NSDHL: variants seen among roughly 807,000 people sequenced by gnomAD.
The protein encoded by NSDHL is sterol-4-alpha-carboxylate 3-dehydrogenase, decarboxylating.
In NSDHL, 1 loss-of-function variant was observed where a neutral mutation model predicts 23.0. The observed-to-expected ratio is 0.04, with a 90% CI of 0.02 to 0.21. NSDHL has a LOEUF of 0.21. Ranked by LOEUF, NSDHL falls within the 10% of genes least tolerant of loss-of-function variation. NSDHL has a pLI of 1.00. For missense variants in NSDHL, 237 were observed against 300.9 expected, an observed-to-expected ratio of 0.79 and a Z score of 1.57; for synonymous variants, 128 against 121.1, an observed-to-expected ratio of 1.06 and a Z score of -0.37.
At chrX:152,842,910 A>G (rs1272856965) in intron 1 of NSDHL, among the ~76,000 whole-genome samples, 3 of 112,052 alleles carry the variant, frequency 2.7e-5, no homozygotes, top group Admixed American at 9.5e-5. Flanking sequence ...ACCCAAGCGT[A>G]TATCACATGG....
chrX:152,835,932 T>C (rs1475022134), intron 1 of NSDHL, among the ~76,000 whole-genome samples: 1 of 112,433 alleles, frequency 8.9e-6, no homozygotes, highest in African/African-American at 3.2e-5. Context: ...TGTAAAAGTG[T>C]TCCTATTTCT....
At chrX:152,850,120 T>C in intron 2 of NSDHL, 145 bp from the exon 3 acceptor site, 1 of 595,316 alleles carries the variant, frequency 1.7e-6, no homozygotes, top group Non-Finnish European at 2.9e-6. Flanking sequence ...ACCAGGATGA[T>C]ATAAAGCTTC....
chrX:152,836,994 A>G (rs1163975480), intron 1 of NSDHL, among the ~76,000 whole-genome samples: 1 of 111,762 alleles, frequency 8.9e-6, no homozygotes, highest in Non-Finnish European at 1.9e-5. Context: ...AATGGTTCGT[A>G]GTTCTCCTTG....
At chrX:152,859,628 G>A (rs1556847342) in intron 4 of NSDHL, among the ~76,000 whole-genome samples, 1 of 112,465 alleles carries the variant, frequency 8.9e-6, no homozygotes, top group East Asian at 2.8e-4. Flanking sequence ...ATTCAGCCAT[G>A]GATGGACATC....
At chrX:152,855,363 C>T (rs1447865109) in intron 3 of NSDHL, among the ~76,000 whole-genome samples, 3 of 111,950 alleles carry the variant, frequency 2.7e-5, no homozygotes, top group Admixed American at 9.5e-5. Context: ...AGGAAGTCTA[C>T]TCTCAAGCCG....
At chrX:152,856,568 C>T (rs1309503835) in intron 3 of NSDHL, among the ~76,000 whole-genome samples, 4 of 111,264 alleles carry the variant, frequency 3.6e-5, no homozygotes, top group Non-Finnish European at 7.5e-5. Flanking sequence ...GGGAAAATTG[C>T]TCATTCTAGG....
intron 5 of NSDHL, among the ~76,000 whole-genome samples, chrX:152,864,050 T>TA (rs1190377459): frequency 8.9e-6 from 1 of 111,845 alleles, no homozygotes; most frequent in East Asian, 2.8e-4. Flanking sequence ...TAGCTGGGAT[T>TA]ACAGGCGCGT....
chrX:152,867,251 G>A (rs1933620984), intron 6 of NSDHL, among the ~76,000 whole-genome samples: 1 of 112,107 alleles, frequency 8.9e-6, no homozygotes, highest in African/African-American at 3.2e-5. Flanking sequence ...CAAGGCGTTG[G>A]CCCCGTGTCT....
chrX:152,846,934 G>T (rs1556845676), intron 2 of NSDHL, among the ~76,000 whole-genome samples: 1 of 112,491 alleles, frequency 8.9e-6, no homozygotes, highest in Non-Finnish European at 1.9e-5. Flanking sequence ...CCTGGTCGTT[G>T]TCAGGCTTCC....
chrX:152,848,986 G>C (rs1933315912), intron 2 of NSDHL, among the ~76,000 whole-genome samples: 1 of 112,295 alleles, frequency 8.9e-6, no homozygotes, highest in East Asian at 2.8e-4. Flanking sequence ...TGGGAAGTTA[G>C]TTTTGGGTGG....
intron 7 of NSDHL, among the ~76,000 whole-genome samples, chrX:152,868,115 G>A (rs1313574753): frequency 9.1e-6 from 1 of 109,508 alleles, no homozygotes; most frequent in East Asian, 2.9e-4. Flanking sequence ...AATAAGTTGG[G>A]AATAGGGTGG....
chrX:152,861,214 T>A (rs1933523207), intron 4 of NSDHL, among the ~76,000 whole-genome samples: 1 of 113,183 alleles, frequency 8.8e-6, no homozygotes. Context: ...GGAATTTATG[T>A]TTGCTTATGG....
chrX:152,862,330 C>T lies in NSDHL; in HGVS notation c.415-266C>T, dbSNP rs139977767. Among the ~76,000 whole-genome samples the T allele has an allele frequency of 0.01, 1,162 of 111,992 alleles. 17 individuals are homozygous for T. Among genetic ancestry groups the T allele is most frequent in the African/African-American group, 0.035 (1,088 of 30,779 alleles). On this transcript the variant is annotated intron_variant, in intron 4 of 7. Coordinates refer to ENST00000370274, the MANE Select transcript of NSDHL (RefSeq NM_015922.3). ...TGATGGGATAGAAAAAATGTGTTATCCCTTGTTTTGAAACCAAGATCTCTT... is the reference window on the plus strand; with the variant it reads ...TGATGGGATAGAAAAAATGTGTTATTCCTTGTTTTGAAACCAAGATCTCTT...
At chrX:152,860,201 T>G (rs1933504669) in intron 4 of NSDHL, among the ~76,000 whole-genome samples, 1 of 112,477 alleles carries the variant, frequency 8.9e-6, no homozygotes, top group Non-Finnish European at 1.9e-5. Context: ...AACTGACCCC[T>G]AGCAGTTGAC....
chrX:152,844,944 A>G (rs782708327), intron 1 of NSDHL, among the ~76,000 whole-genome samples: 191 of 112,098 alleles, frequency 1.7e-3, no homozygotes, highest in Non-Finnish European at 2.5e-3. Context: ...TGTCTTTCGA[A>G]TGAACAGTTG....
rs782221946 is a variant in NSDHL at position 152,858,921 on chromosome X, G to A, written c.414+5G>A. ...TGCAAAGAGGCTGGGGTTCAGGTAAGGGGAAGGCTGGAGTGAGTGCTGTCA... is the reference window on the plus strand; with the variant it reads ...TGCAAAGAGGCTGGGGTTCAGGTAAAGGGAAGGCTGGAGTGAGTGCTGTCA... On this transcript the variant is annotated splice_donor_5th_base_variant and intron_variant, in intron 4 of 7. Transcript: ENST00000370274. 5.0e-6 allele frequency: 6 copies of A among 1,203,347 alleles called. No homozygotes were observed. Among genetic ancestry groups the A allele is most frequent in the Non-Finnish European group, 5.6e-6 (5 of 887,916 alleles).
Position 152,862,798 on chromosome X carries a change from T to C in NSDHL, c.543+74T>C, listed in dbSNP as rs782818487. On this transcript the variant is annotated intron_variant, in intron 5 of 7. Coordinates refer to ENST00000370274, the MANE Select transcript of NSDHL (RefSeq NM_015922.3). ...CCTAAGAAAAATGTTTATGAACTTA[T>C]GAAGTTTGTATTCTGAGGCCTACGT... The C allele has an allele frequency of 6.6e-5, 69 of 1,046,894 alleles. No individual in the cohort carries two copies. The African/African-American group carries it at 1.1e-3, about 16-fold the overall frequency. 86.3% of individuals were successfully genotyped at this position (1,046,894 alleles called of 1,213,427 possible).
intron 1 of NSDHL, among the ~76,000 whole-genome samples, chrX:152,844,482 C>T (rs1366585858): frequency 8.9e-6 from 1 of 112,589 alleles, no homozygotes; most frequent in African/African-American, 3.2e-5. Flanking sequence ...ACACGCCCCT[C>T]AGATCCCCTG....
At chrX:152,866,802 T>C (rs1386423376) in intron 6 of NSDHL, among the ~76,000 whole-genome samples, 1 of 112,518 alleles carries the variant, frequency 8.9e-6, no homozygotes, top group African/African-American at 3.2e-5. Flanking sequence ...AGCCCCTATT[T>C]CCAAATAAGG....
Sources: gnomAD v4.1 joint callset for allele counts (sites outside exome capture counted in the v4.1 genomes callset) on GRCh38, gnomAD v4.1.1 for gene constraint, MANE v1.5 for transcripts, NCBI Gene and HGNC (gene_info 2026-07-23, HGNC 2026-07-21) for gene names.